TMPRSS9: variants seen among roughly 807,000 people sequenced by gnomAD.
TMPRSS9 encodes transmembrane protease serine 9.
A neutral mutation model predicts 111.4 loss-of-function variants in TMPRSS9; 113 were observed. The observed-to-expected ratio is 1.01, with a 90% CI of 0.87 to 1.19. TMPRSS9 has a LOEUF of 1.19. Among genes scored for constraint, TMPRSS9 ranks in the 50% most tolerant of loss-of-function variants. The probability of loss-of-function intolerance (pLI) is 0.00; values close to 1 mark genes in which losing one functional copy is unlikely to be tolerated. For synonymous variants in TMPRSS9, 805 were observed against 659.1 expected (o/e 1.22, Z -3.39); for missense variants, 1,803 against 1,513.1 (o/e 1.19, Z -3.18).
At chr19:2,397,860 C>T (rs1457365022) in intron 2 of TMPRSS9, among the ~76,000 whole-genome samples, 1 of 133,666 alleles carries the variant, frequency 7.5e-6, no homozygotes, top group Non-Finnish European at 1.6e-5. Flanking sequence ...GCAGAAGTTG[C>T]AGTGAGCCAA....
Position 2,423,994 on chromosome 19 carries a change from C to A in TMPRSS9, c.2549-95C>A, listed in dbSNP as rs981452026. 4.1e-6 allele frequency: 5 copies of A among 1,205,446 alleles called. No individual in the cohort carries two copies. In the South Asian group the frequency reaches 1.8e-4, roughly 44 times the overall value. 74.7% of individuals were successfully genotyped at this position (1,205,446 alleles called of 1,614,324 possible). A position where few individuals can be genotyped will look rare whatever the true frequency, so the allele number is the denominator to read the frequency against. ...CCCCATCACAACCTACTCCCTGGGG[C>A]TCCCAGGGGGATTCGTGGAGAGGCG... On this transcript the variant is annotated intron_variant, in intron 14 of 17. Transcript: ENST00000648592.
Position 2,417,839 on chromosome 19 carries a change from T to A in TMPRSS9, c.2018-163T>A, listed in dbSNP as rs139938327. Among the ~76,000 whole-genome samples the A allele has an allele frequency of 3.2e-4, 48 of 152,256 alleles. No individual in the cohort carries two copies. In the East Asian group the frequency reaches 8.1e-3, roughly 26 times the overall value. On this transcript the variant is annotated intron_variant, in intron 12 of 17. Transcript: ENST00000648592. Reference sequence around the variant, plus strand: ...CTCTGAGCGGGCCATCAGGCCCACCTCCTCCTCACTCTGTGGCTTTGTGAG... The same window carrying A: ...CTCTGAGCGGGCCATCAGGCCCACCACCTCCTCACTCTGTGGCTTTGTGAG...
intron 14 of TMPRSS9, among the ~76,000 whole-genome samples, chr19:2,423,118 C>T (rs1371043164): frequency 6.6e-6 from 1 of 151,696 alleles, no homozygotes; most frequent in Admixed American, 6.6e-5. Flanking sequence ...GTGCCATGTC[C>T]TTGGGTGCGT....
intron 1 of TMPRSS9, among the ~76,000 whole-genome samples, chr19:2,393,978 G>A (rs139026326): frequency 1.8e-4 from 27 of 150,424 alleles, no homozygotes; most frequent in African/African-American, 6.4e-4. Flanking sequence ...CGGGTTGGGC[G>A]GATCATGAGG....
At chr19:2,402,705 T>G (rs761859651) in intron 5 of TMPRSS9, among the ~76,000 whole-genome samples, 1 of 152,046 alleles carries the variant, frequency 6.6e-6, no homozygotes, top group Non-Finnish European at 1.5e-5. Flanking sequence ...GCCATTGCAC[T>G]CCAGGCTGGG....
intron 10 of TMPRSS9, among the ~76,000 whole-genome samples, chr19:2,415,329 T>C (rs1407985597): frequency 6.6e-6 from 1 of 152,114 alleles, no homozygotes; most frequent in Non-Finnish European, 1.5e-5. Flanking sequence ...AGCCGCCCCA[T>C]GGGTCTCCTG....
intron 1 of TMPRSS9, among the ~76,000 whole-genome samples, chr19:2,366,446 A>G (rs1367528966): frequency 6.6e-6 from 1 of 152,194 alleles, no homozygotes; most frequent in Non-Finnish European, 1.5e-5. Flanking sequence ...ATGTCTCTCA[A>G]ATTTAGCCAA....
chr19:2,398,696 A>C (rs950218207), intron 2 of TMPRSS9, 99 bp from the exon 4 acceptor site: 2 of 720,958 alleles, frequency 2.8e-6, no homozygotes, highest in Non-Finnish European at 4.1e-6. Context: ...CATGGAACCA[A>C]CCCCTTCTCC....
At chr19:2,377,007 G>A (rs879326044) in intron 1 of TMPRSS9, among the ~76,000 whole-genome samples, 16 of 151,936 alleles carry the variant, frequency 1.1e-4, no homozygotes, top group Middle Eastern at 3.4e-3. Context: ...CCGAGAAACT[G>A]GAGTGGCCAC....
exon 12 of TMPRSS9, chr19:2,416,540 C>G (rs148639350): frequency 2.5e-6 from 4 of 1,606,418 alleles, no homozygotes; most frequent in African/African-American, 1.3e-5. Context: ...CTCCATAGCA[C>G]GAAGGTGGAG....
chr19:2,418,314 C>CTT (rs1568189327), intron 13 of TMPRSS9, among the ~76,000 whole-genome samples, 176 bp downstream of exon 14: 2 of 37,702 alleles, frequency 5.3e-5, no homozygotes, highest in African/African-American at 5.3e-4. Flanking sequence ...CCTTTCCCTC[C>CTT]CTCCCTCCCT....
intron 6 of TMPRSS9, among the ~76,000 whole-genome samples, chr19:2,404,028 C>T (rs925399765): frequency 5.3e-5 from 8 of 150,046 alleles, no homozygotes; most frequent in South Asian, 2.1e-4. Flanking sequence ...AATTAGCCAG[C>T]GTGGTGGTGG....
intron 14 of TMPRSS9, among the ~76,000 whole-genome samples, chr19:2,423,199 G>A (rs1184301061): frequency 6.6e-6 from 1 of 151,818 alleles, no homozygotes; most frequent in Admixed American, 6.6e-5. Context: ...CACTTTCTCA[G>A]TCTCAGCTGA....
At chr19:2,373,871 C>T (rs564358745) in intron 1 of TMPRSS9, among the ~76,000 whole-genome samples, 56 of 152,316 alleles carry the variant, frequency 3.7e-4, no homozygotes, top group African/African-American at 1.2e-3. Context: ...CAACTTTTTG[C>T]GAAACTAATA....
At chr19:2,405,706 C>CT (rs10608410) in intron 7 of TMPRSS9, among the ~76,000 whole-genome samples, 161 bp downstream of exon 8, 1,873 of 135,834 alleles carry the variant, frequency 0.014, 24 homozygotes, top group South Asian at 0.048. Flanking sequence ...TGAGGGCATT[C>CT]TTTTTTTTTT....
chr19:2,373,217 C>CT (rs1568168799), intron 1 of TMPRSS9, among the ~76,000 whole-genome samples: 1 of 151,986 alleles, frequency 6.6e-6, no homozygotes, highest in East Asian at 1.9e-4. Flanking sequence ...CTTTTGCTTT[C>CT]TTTTTTTATT....
intron 9 of TMPRSS9, among the ~76,000 whole-genome samples, chr19:2,412,006 T>C (rs1486287901): frequency 6.6e-6 from 1 of 152,180 alleles, no homozygotes; most frequent in Non-Finnish European, 1.5e-5. Flanking sequence ...CTATATTCTA[T>C]ATTTGTGGTT....
chr19:2,363,053 A>G (rs963541160), intron 1 of TMPRSS9, among the ~76,000 whole-genome samples: 5 of 152,092 alleles, frequency 3.3e-5, no homozygotes, highest in Non-Finnish European at 7.4e-5. Context: ...ACCGTGGGGT[A>G]ATTGGGCCCT....
chr19:2,418,280 T>G (rs12459117), intron 13 of TMPRSS9, 142 bp downstream of exon 14: 16,780 of 619,642 alleles, frequency 0.027, 320 homozygotes, highest in Non-Finnish European at 0.032. Flanking sequence ...TTCCCTCCTT[T>G]TCCTTTCCTC....
Sources: gnomAD v4.1 joint callset for allele counts (sites outside exome capture counted in the v4.1 genomes callset) on GRCh38, gnomAD v4.1.1 for gene constraint, MANE v1.5 for transcripts, NCBI Gene and HGNC (gene_info 2026-07-23, HGNC 2026-07-21) for gene names.